Variants in KCNAB1 observed in about 807,000 individuals in gnomAD.
The protein encoded by KCNAB1 is voltage-gated potassium channel subunit beta-1.
In KCNAB1, 35 loss-of-function variants were observed where a neutral mutation model predicts 64.6. That is an observed-to-expected ratio of 0.54 (90% CI 0.41 to 0.72). The LOEUF (loss-of-function observed/expected upper bound fraction) is 0.72. Among genes scored for constraint, KCNAB1 ranks in the 30% least tolerant of loss-of-function variants. The pLI is 0.00. For synonymous variants in KCNAB1, 177 were observed against 183.8 expected (o/e 0.96, Z 0.30); for missense variants, 401 against 512.9 (o/e 0.78, Z 2.11).
chr3:156,514,315 T>C, intron 8 of KCNAB1, 49 bp from the exon 9 acceptor site: 1 of 1,477,188 alleles, frequency 6.8e-7, no homozygotes, highest in Non-Finnish European at 9.5e-7. Context: ...TCGCATAACT[T>C]TGAAAAGTAG....
At chr3:156,340,486 C>T (rs1247147727) in intron 1 of KCNAB1, among the ~76,000 whole-genome samples, 3 of 152,168 alleles carry the variant, frequency 2.0e-5, no homozygotes, top group African/African-American at 7.2e-5. Flanking sequence ...GGCACCATGG[C>T]AGATGGACCC....
chr3:156,389,604 C>T (rs984159190), intron 1 of KCNAB1, among the ~76,000 whole-genome samples: 2 of 152,208 alleles, frequency 1.3e-5, no homozygotes, highest in Non-Finnish European at 1.5e-5. Context: ...GACCTCCGCC[C>T]GGATCTACTG....
chr3:156,200,442 C>T (rs1714252584), intron 1 of KCNAB1, among the ~76,000 whole-genome samples: 1 of 152,242 alleles, frequency 6.6e-6, no homozygotes, highest in African/African-American at 2.4e-5. Context: ...CCTTTAGGTG[C>T]TCTGTCCCAG....
At chr3:156,170,221 G>A (rs904559163) in intron 1 of KCNAB1, among the ~76,000 whole-genome samples, 15 of 130,628 alleles carry the variant, frequency 1.1e-4, no homozygotes, top group African/African-American at 3.1e-4. Flanking sequence ...CCAAGGAATC[G>A]TTTTTTTTTT....
intron 1 of KCNAB1, among the ~76,000 whole-genome samples, chr3:156,276,730 T>C (rs566978698): frequency 1.1e-4 from 17 of 152,314 alleles, no homozygotes; most frequent in African/African-American, 4.1e-4. Context: ...CCCACCTCTC[T>C]TAGCCTTTTG....
At chr3:156,315,487 C>T (rs749110228) in intron 1 of KCNAB1, among the ~76,000 whole-genome samples, 3 of 152,192 alleles carry the variant, frequency 2.0e-5, no homozygotes, top group Non-Finnish European at 4.4e-5. Flanking sequence ...TTTACAGATA[C>T]AAGCACTGGT....
chr3:156,281,484 T>C (rs1257937498), intron 1 of KCNAB1, among the ~76,000 whole-genome samples: 13 of 151,468 alleles, frequency 8.6e-5, no homozygotes, highest in Admixed American at 8.5e-4. Flanking sequence ...CCTCATAAAA[T>C]GAGTTAGGGA....
chr3:156,134,232 A>G (rs1346012070), intron 1 of KCNAB1, among the ~76,000 whole-genome samples: 1 of 152,196 alleles, frequency 6.6e-6, no homozygotes, highest in Non-Finnish European at 1.5e-5. Context: ...TGCCTTGAAA[A>G]TTGGAGGCCT....
chr3:156,284,289 G>T (rs1182585636), intron 1 of KCNAB1, among the ~76,000 whole-genome samples: 2 of 152,100 alleles, frequency 1.3e-5, no homozygotes. Context: ...AGGGGTCAGG[G>T]GTCAGGGACC....
chr3:156,493,653 CA>C (rs1431173693), intron 8 of KCNAB1, among the ~76,000 whole-genome samples: 1 of 152,062 alleles, frequency 6.6e-6, no homozygotes, highest in African/African-American at 2.4e-5. Context: ...CTTTTCTGGC[CA>C]AGATCACACG....
At chr3:156,522,320 T>A (rs973035774) in intron 11 of KCNAB1, among the ~76,000 whole-genome samples, 1 of 152,084 alleles carries the variant, frequency 6.6e-6, no homozygotes, top group Non-Finnish European at 1.5e-5. Flanking sequence ...TTTTTCCCAC[T>A]GAGGACACCA....
chr3:156,251,761 C>A (rs1425916974), intron 1 of KCNAB1, among the ~76,000 whole-genome samples: 1 of 152,076 alleles, frequency 6.6e-6, no homozygotes, highest in Non-Finnish European at 1.5e-5. Context: ...CAAGAGGAAT[C>A]CCAGAATTTT....
intron 1 of KCNAB1, among the ~76,000 whole-genome samples, chr3:156,227,267 AG>A (rs1716239268): frequency 6.6e-6 from 1 of 152,254 alleles, no homozygotes; most frequent in African/African-American, 2.4e-5. Context: ...TCCTTTTGAT[AG>A]TACTGAAACG....
At chr3:156,538,811 T>TATC (rs1022837855), downstream of KCNAB1, 1 of 152,258 alleles carries the variant, frequency 6.6e-6, no homozygotes, top group African/African-American at 2.4e-5. Context: ...AAACATATTC[T>TATC]ATCATCAATC....
At chr3:156,317,824 G>A (rs1054244287) in intron 1 of KCNAB1, among the ~76,000 whole-genome samples, 2 of 152,112 alleles carry the variant, frequency 1.3e-5, no homozygotes, top group African/African-American at 2.4e-5. Context: ...ATGTCTTCTT[G>A]GATTTACTGG....
intron 1 of KCNAB1, among the ~76,000 whole-genome samples, chr3:156,413,607 G>A (rs993579862): frequency 6.6e-6 from 1 of 152,218 alleles, no homozygotes; most frequent in Non-Finnish European, 1.5e-5. Context: ...TAGAGGCACT[G>A]CCGCACTATG....
At chr3:156,227,948 T>C (rs1294029167) in intron 1 of KCNAB1, 1 of 152,244 alleles carries the variant, frequency 6.6e-6, no homozygotes, top group African/African-American at 2.4e-5. Context: ...ATATGGGAAT[T>C]ATCTGCACAT....
chr3:156,458,642 A>G (rs536071181), intron 4 of KCNAB1, among the ~76,000 whole-genome samples: 1 of 152,290 alleles, frequency 6.6e-6, no homozygotes, highest in East Asian at 1.9e-4. Context: ...TGTTGAATCC[A>G]AGGAGAGAAA....
At chr3:156,342,364 A>T (rs971288624) in intron 1 of KCNAB1, among the ~76,000 whole-genome samples, 4 of 152,194 alleles carry the variant, frequency 2.6e-5, no homozygotes, top group African/African-American at 9.7e-5. Flanking sequence ...AAGAAAGTGA[A>T]TTTCTTCACG....
Sources: allele counts gnomAD v4.1 joint callset (sites outside exome capture counted in the v4.1 genomes callset), GRCh38; gene constraint gnomAD v4.1.1; transcripts MANE v1.5; gene names NCBI Gene and HGNC (gene_info 2026-07-23, HGNC 2026-07-21).